Variants in TTC6 observed in about 807,000 individuals in gnomAD.
TTC6 encodes the protein tetratricopeptide repeat protein 6.
In TTC6, 172 loss-of-function variants were observed where a neutral mutation model predicts 210.4. That is an observed-to-expected ratio of 0.82 (90% confidence interval 0.72 to 0.93). The LOEUF (loss-of-function observed/expected upper bound fraction) is 0.93. TTC6 is among the 40% of genes least tolerant of loss of function. The pLI is 0.00. For missense variants in TTC6, 2,414 were observed against 2,318.1 expected (o/e 1.04, Z -0.85); for synonymous variants, 804 against 819.6 (o/e 0.98, Z 0.32).
chr14:37,696,038 G>A (rs1186065914), intron 3 of TTC6, among the ~76,000 whole-genome samples: 5 of 152,138 alleles, frequency 3.3e-5, no homozygotes, highest in Non-Finnish European at 7.4e-5. Context: ...GGAATGCTCT[G>A]TATTCATTGA....
At chr14:37,693,076 G>T (rs868200855) in intron 3 of TTC6, among the ~76,000 whole-genome samples, 1 of 152,050 alleles carries the variant, frequency 6.6e-6, no homozygotes, top group Middle Eastern at 3.4e-3. Context: ...GAAATAAAAG[G>T]CATCCAAATT....
chr14:37,677,896 T>A (rs2095773952), intron 1 of TTC6, among the ~76,000 whole-genome samples: 2 of 152,148 alleles, frequency 1.3e-5, no homozygotes, highest in South Asian at 4.1e-4. Flanking sequence ...GTTTCTTACA[T>A]TTGCTCCTCT....
At chr14:37,765,839 T>G (rs899078395) in intron 14 of TTC6, among the ~76,000 whole-genome samples, 21 of 152,176 alleles carry the variant, frequency 1.4e-4, no homozygotes, top group Non-Finnish European at 2.2e-4. Context: ...GATTTTTTTT[T>G]AAAGCACTTT....
chr14:37,750,012 A>G (rs1336486182), intron 12 of TTC6, among the ~76,000 whole-genome samples, 169 bp downstream of exon 14: 2 of 152,078 alleles, frequency 1.3e-5, no homozygotes, highest in African/African-American at 4.8e-5. Context: ...GTACAATCCT[A>G]TAGTGTTTTT....
At chr14:37,652,711 G>A (rs2095715216) in intron 1 of TTC6, among the ~76,000 whole-genome samples, 1 of 151,982 alleles carries the variant, frequency 6.6e-6, no homozygotes, top group African/African-American at 2.4e-5. Flanking sequence ...ATATCTTAAT[G>A]TTACTAGTTT....
chr14:37,784,206 A>C (rs2096062220), intron 14 of TTC6, among the ~76,000 whole-genome samples: 1 of 152,140 alleles, frequency 6.6e-6, no homozygotes, highest in South Asian at 2.1e-4. Context: ...GACCTGTCTA[A>C]TGTTGACAGT....
chr14:37,824,804 G>A (rs924971273), intron 27 of TTC6, among the ~76,000 whole-genome samples: 2 of 152,074 alleles, frequency 1.3e-5, no homozygotes, highest in Non-Finnish European at 2.9e-5. Flanking sequence ...ACAGTGTTCC[G>A]TAAAGTGGAA....
rs2095609719 is a variant in TTC6 at position 37,598,883 on chromosome 14, C to T, written c.-235+2875C>T. ...GGTTGTTGTCAGGTGACGGCTTCAGCAACCCAGCCATGCTTGGTGTGGAGT... is the reference window on the plus strand; with the variant it reads ...GGTTGTTGTCAGGTGACGGCTTCAGTAACCCAGCCATGCTTGGTGTGGAGT... On this transcript the variant is annotated intron_variant, in intron 1 of 2. Coordinates refer to the TTC6 transcript ENST00000556845. The surrounding 1 kb of genome is among the most constrained non-coding windows in gnomAD (Gnocchi z 4.9). Among the ~76,000 whole-genome samples the T allele has an allele frequency of 6.6e-6, 1 of 152,216 alleles. No individual in the cohort carries two copies. The highest frequency in any genetic ancestry group is 2.1e-4 in the South Asian group (1 of 4,836).
intron 1 of TTC6, among the ~76,000 whole-genome samples, chr14:37,656,514 C>CGTGTGT (rs35073797): frequency 6.8e-6 from 1 of 147,802 alleles, no homozygotes; most frequent in East Asian, 2.0e-4. Flanking sequence ...TGTGTGTGTG[C>CGTGTGT]GTGTGTGTGT....
At chr14:37,730,135 G>A (rs1365575639) in intron 7 of TTC6, among the ~76,000 whole-genome samples, 1 of 152,090 alleles carries the variant, frequency 6.6e-6, no homozygotes, top group Non-Finnish European at 1.5e-5. Flanking sequence ...AAAGACTCCT[G>A]GTTGTGGTGA....
chr14:37,681,592 C>G (rs71407711), intron 2 of TTC6, among the ~76,000 whole-genome samples: 2 of 152,030 alleles, frequency 1.3e-5, no homozygotes. Context: ...AGGTAAAATA[C>G]CTTTCGACTT....
At chr14:37,809,010 A>G (rs1053406886) in intron 24 of TTC6, among the ~76,000 whole-genome samples, 164 bp downstream of exon 26, 14 of 152,174 alleles carry the variant, frequency 9.2e-5, no homozygotes, top group Admixed American at 5.2e-4. Flanking sequence ...TACTTCTGCT[A>G]CAATTTTCAA....
chr14:37,798,969 T>G (rs1000424479), intron 20 of TTC6, among the ~76,000 whole-genome samples: 9 of 152,196 alleles, frequency 5.9e-5, no homozygotes, highest in African/African-American at 2.2e-4. Flanking sequence ...TTGTAGACAT[T>G]GCTAAATTTG....
chr14:37,836,186 G>T (rs1185655852), intron 29 of TTC6, among the ~76,000 whole-genome samples: 1 of 152,162 alleles, frequency 6.6e-6, no homozygotes, highest in African/African-American at 2.4e-5. Flanking sequence ...GAATAGAAAT[G>T]TCAGAGTCAA....
intron 27 of TTC6, 39 bp from the exon 30 acceptor site, chr14:37,826,156 G>C (rs970669857): frequency 1.3e-6 from 2 of 1,566,594 alleles, no homozygotes; most frequent in African/African-American, 2.8e-5. Flanking sequence ...TCATGTTATG[G>C]AGTATTTCCT....
rs1700247412 is a variant in TTC6 at position 37,738,767 on chromosome 14, C to A, written c.1984-9C>A. ...TACGTTTTTTCTACCTCTTTGCTTG[C>A]TTACTAAGCGAGTAAAATCTTCTGT... On this transcript the variant is annotated splice_polypyrimidine_tract_variant and intron_variant, in intron 9 of 30. Coordinates refer to ENST00000553443, the Ensembl canonical transcript of TTC6. 1 of 1,451,814 alleles carries A rather than the reference C, an allele frequency of 6.9e-7. No homozygotes were observed. Among genetic ancestry groups the A allele is most frequent in the South Asian group, 1.4e-5 (1 of 69,970 alleles). The allele number at this position is 1,451,814 out of a possible 1,614,324, so 89.9% of individuals were successfully genotyped here. A position where few individuals can be genotyped will look rare whatever the true frequency, so the allele number is the denominator to read the frequency against.
chr14:37,826,459 A>T, intron 28 of TTC6, 112 bp downstream of exon 30: 1 of 1,030,786 alleles, frequency 9.7e-7, no homozygotes, highest in Non-Finnish European at 1.3e-6. Flanking sequence ...GGAGAAAATA[A>T]TGTTTTGTAT....
chr14:37,612,266 G>A (rs994977946), intron 2 of TTC6, among the ~76,000 whole-genome samples: 1 of 152,174 alleles, frequency 6.6e-6, no homozygotes, highest in Admixed American at 6.5e-5. Flanking sequence ...CGGATCTGCT[G>A]TGTGACACTA....
At chr14:37,620,314 T>C (rs2095649280), upstream of TTC6, among the ~76,000 whole-genome samples, 1 of 152,240 alleles carries the variant, frequency 6.6e-6, no homozygotes, top group Non-Finnish European at 1.5e-5. Context: ...AATGATGACA[T>C]TCCAGAGGTG....
Sources: gnomAD v4.1 joint callset for allele counts (sites outside exome capture counted in the v4.1 genomes callset) on GRCh38, gnomAD v4.1.1 for gene constraint, Gnocchi (gnomAD v3.1) non-coding constraint, MANE v1.5 for transcripts, NCBI Gene and HGNC (gene_info 2026-07-23, HGNC 2026-07-21) for gene names.